Variants in ARHGAP23 observed in about 807,000 individuals in gnomAD.
ARHGAP23 encodes Rho GTPase activating protein 23.
A neutral mutation model predicts 136.3 loss-of-function variants in ARHGAP23; 34 were observed. The observed-to-expected ratio is 0.25, with a 90% CI of 0.19 to 0.33. The LOEUF (loss-of-function observed/expected upper bound fraction) is 0.33. Ranked by LOEUF, ARHGAP23 falls within the 10% of genes least tolerant of loss-of-function variation. The pLI is 1.00. For synonymous variants in ARHGAP23, 832 were observed against 920.5 expected (o/e 0.90, Z 1.74); for missense variants, 1,808 against 2,139.0 (o/e 0.85, Z 3.05).
rs537171313 is a variant in ARHGAP23 at position 38,469,255 on chromosome 17, C to T, written c.1760C>T (p.Pro587Leu). ...GTCCTGGGCACCAGCCCATCTTCCCCGACCTTCACTTTCACCCTCGGACGC... is the reference window on the plus strand; with the variant it reads ...GTCCTGGGCACCAGCCCATCTTCCCTGACCTTCACTTTCACCCTCGGACGC... ...APVLGTSPSS[P>L]TFTFTLGRHY... Residue 587 changes from proline (P) to leucine (L), a missense_variant, in exon 8 of 24, where the codon CCG becomes CTG. Physicochemically the swap from Pro to Leu is moderately conservative, Grantham distance 98. Around this residue, in one of 7 missense-constraint regions of ARHGAP23, gnomAD observed 859 missense variants for 936.4 expected, o/e 0.92. Coordinates refer to ENST00000622683, the MANE Select transcript of ARHGAP23 (RefSeq NM_001199417.2). 1.5e-4 allele frequency: 236 copies of T among 1,551,598 alleles called. 1 individual carries two copies. The highest frequency in any genetic ancestry group is 9.4e-4 in the Admixed American group (48 of 50,984).
chr17:38,453,926 C>CA (rs2039258661), intron 1 of ARHGAP23: 1 of 145,686 alleles, frequency 6.9e-6, no homozygotes, highest in Non-Finnish European at 1.5e-5. Flanking sequence ...CGGCCTGGGG[C>CA]GTACTGGGGC....
Position 38,500,622 on chromosome 17 carries a change from G to C in ARHGAP23, c.3441G>C (p.Lys1147Asn). The C allele has an allele frequency of 6.5e-7, 1 of 1,549,262 alleles. No homozygotes were observed. Among genetic ancestry groups the C allele is most frequent in the Non-Finnish European group, 8.7e-7 (1 of 1,146,676 alleles). Residue 1147 changes from lysine to asparagine, a missense_variant, in exon 23 of 24, where the codon AAG becomes AAC. By Grantham distance (94) the Lys-to-Asn change is moderately conservative (BLOSUM62 0). This residue lies in a region of ARHGAP23 where 104 missense variants were observed against 131.8 expected (regional missense o/e 0.79). Coordinates refer to ENST00000622683, the MANE Select transcript of ARHGAP23 (RefSeq NM_001199417.2). Reference sequence around the variant, plus strand: ...ATTCTACCACCTGTAGTTCAGCCAAGTCCAAGGTACGTATGAAGGCAATTC... The same window carrying C: ...ATTCTACCACCTGTAGTTCAGCCAACTCCAAGGTACGTATGAAGGCAATTC... ...GSDSTTCSSA[K>N]SKGSWAPKKE... is the part of the protein sequence containing the mutation.
chr17:38,462,843 T>C lies in ARHGAP23; in HGVS notation c.254-3T>C. On this transcript the variant is annotated splice_region_variant and splice_polypyrimidine_tract_variant and intron_variant, in intron 3 of 23. Coordinates refer to ENST00000622683, the MANE Select transcript of ARHGAP23 (RefSeq NM_001199417.2). ...CCCAGCTAACCTGGCTGATGCCCAC[T>C]AGGACCCTCCCCCCGGTACCGCCTG... 1 of 1,513,226 alleles carries C rather than the reference T, an allele frequency of 6.6e-7. No homozygotes were observed. Among genetic ancestry groups the C allele is most frequent in the Non-Finnish European group, 8.8e-7 (1 of 1,132,666 alleles). The allele number at this position is 1,513,226 out of a possible 1,614,324, so 93.7% of individuals were successfully genotyped here. A position where few individuals can be genotyped will look rare whatever the true frequency, so the allele number is the denominator to read the frequency against.
At chr17:38,504,331 C>T (rs760064961) in intron 23 of ARHGAP23, among the ~76,000 whole-genome samples, 5 of 152,200 alleles carry the variant, frequency 3.3e-5, no homozygotes, top group Non-Finnish European at 7.3e-5. Context: ...GCAGTGGTCT[C>T]AGTCTCATCT....
At chr17:38,504,995 T>TTTTTTTTTG in intron 23 of ARHGAP23, among the ~76,000 whole-genome samples, 1 of 86,590 alleles carries the variant, frequency 1.2e-5, no homozygotes, top group African/African-American at 5.3e-5. Flanking sequence ...TTTTTTTTTT[T>TTTTTTTTTG]TTTTTTTTTT....
intron 1 of ARHGAP23, among the ~76,000 whole-genome samples, chr17:38,455,177 A>G (rs1440962601): frequency 2.0e-5 from 3 of 152,168 alleles, no homozygotes; most frequent in African/African-American, 4.8e-5. Flanking sequence ...ACAGGGGAGG[A>G]GAGGAAACAT....
intron 20 of ARHGAP23, among the ~76,000 whole-genome samples, chr17:38,497,194 T>G (rs941909837): frequency 1.3e-5 from 2 of 152,200 alleles, no homozygotes; most frequent in African/African-American, 2.4e-5. Context: ...TATTAAACTG[T>G]GGGGGTCTTT....
intron 1 of ARHGAP23, among the ~76,000 whole-genome samples, chr17:38,420,952 G>A (rs1454758321): frequency 1.3e-5 from 2 of 152,106 alleles, no homozygotes; most frequent in Non-Finnish European, 2.9e-5. Flanking sequence ...CAGGGCTAGG[G>A]GCCACTACTG....
At chr17:38,457,019 C>G (rs7502297) in intron 1 of ARHGAP23, among the ~76,000 whole-genome samples, 39,919 of 152,098 alleles carry the variant, frequency 0.26, 5,604 homozygotes, top group East Asian at 0.42. Context: ...AAGCGATTCT[C>G]CTGCCTCAGC....
chr17:38,474,302 C>T (rs2039837327), intron 11 of ARHGAP23, among the ~76,000 whole-genome samples: 1 of 152,212 alleles, frequency 6.6e-6, no homozygotes, highest in Non-Finnish European at 1.5e-5. Context: ...TCCCATTGCC[C>T]TTGTCCAGGT....
rs1310897922 is a variant in ARHGAP23 at position 38,510,273 on chromosome 17, C to A, written c.3777C>A (p.Ser1259Arg). Residue 1259 changes from serine (S) to arginine (R), a missense_variant, in exon 24 of 24, where the codon AGC (serine) becomes AGA (arginine). By Grantham distance (110) the Ser-to-Arg change is moderately radical. Transcript: ENST00000622683. The surrounding 1 kb of genome is among the most constrained non-coding windows in gnomAD (Gnocchi z 4.6). ...GYSTLSTMDR[S>R]VCSGASGRRA... ...CCACCCTGTCCACCATGGACCGCAG[C>A]GTGTGCTCGGGCGCTAGCGGTCGGC... 1 of 1,299,418 alleles carries A rather than the reference C, an allele frequency of 7.7e-7. No individual in the cohort carries two copies. 80.5% of individuals were successfully genotyped at this position (1,299,418 alleles called of 1,614,324 possible). A position where few individuals can be genotyped will look rare whatever the true frequency, so the allele number is the denominator to read the frequency against.
At chr17:38,464,290 C>CCACACA (rs139399817) in intron 6 of ARHGAP23, among the ~76,000 whole-genome samples, 7 of 150,874 alleles carry the variant, frequency 4.6e-5, no homozygotes, top group African/African-American at 1.7e-4. Flanking sequence ...GCATACCCTT[C>CCACACA]CACACACACA....
chr17:38,482,172 C>T (rs1381558794), intron 15 of ARHGAP23, 29 bp downstream of exon 15: 2 of 1,544,280 alleles, frequency 1.3e-6, no homozygotes, highest in South Asian at 1.2e-5. Context: ...CCAGAGCAGG[C>T]CCAGCAGGGG....
chr17:38,481,710 G>A (rs1313164017), intron 14 of ARHGAP23, among the ~76,000 whole-genome samples: 1 of 152,196 alleles, frequency 6.6e-6, no homozygotes, highest in Non-Finnish European at 1.5e-5. Context: ...ATTGAGCTAT[G>A]ATCATACCAC....
chr17:38,458,234 CCCGAGTCGG>C lies in ARHGAP23; in HGVS notation c.200_208del (p.Glu67_Ala69del). ...TCTGCGCCACTTCATCGTGTACCCA[CCCGAGTCGG>C]CCGTGCACTGCAGCCTGAAGGTATG... On this transcript the variant is annotated inframe_deletion, in exon 2 of 24. Coordinates refer to ENST00000622683, the MANE Select transcript of ARHGAP23 (RefSeq NM_001199417.2). The C allele has an allele frequency of 6.5e-7, 1 of 1,533,202 alleles. No individual in the cohort carries two copies. 95.0% of individuals were successfully genotyped at this position (1,533,202 alleles called of 1,614,324 possible).
rs552987522 is a variant in ARHGAP23, at chr17:38,490,698, C to T, written c.3150+147C>T. ...TCCTATGACTGCTCCGTCCCCACCC[C>T]GCTCCTACATGCTGGTCAGTGCTTT... is the stretch of plus-strand genomic sequence containing the variant. On this transcript the variant is annotated intron_variant, in intron 19 of 23. Coordinates refer to ENST00000622683, the MANE Select transcript of ARHGAP23 (RefSeq NM_001199417.2). The T allele has an allele frequency of 3.0e-5, 21 of 694,738 alleles. 1 individual carries two copies. The highest frequency in any genetic ancestry group is 1.2e-4 in the South Asian group (7 of 58,888). The allele number at this position is 694,738 out of a possible 1,614,324, so 43.0% of individuals were successfully genotyped here. A position where few individuals can be genotyped will look rare whatever the true frequency, so the allele number is the denominator to read the frequency against.
At chr17:38,499,387 C>T (rs967448693) in intron 22 of ARHGAP23, among the ~76,000 whole-genome samples, 26 of 152,254 alleles carry the variant, frequency 1.7e-4, no homozygotes, top group African/African-American at 5.8e-4. Flanking sequence ...CTTAAGAAAC[C>T]GGGGCCCTAA....
intron 9 of ARHGAP23, 46 bp downstream of exon 9, chr17:38,469,681 G>A: frequency 6.5e-7 from 1 of 1,536,170 alleles, no homozygotes. Flanking sequence ...CAGCCACCGT[G>A]GCCAGCTGCT....
intron 1 of ARHGAP23, among the ~76,000 whole-genome samples, chr17:38,421,568 C>T (rs981315169): frequency 3.9e-5 from 6 of 152,206 alleles, no homozygotes; most frequent in African/African-American, 7.2e-5. Context: ...TTTTATAGTG[C>T]GTGAGCCGCC....
Sources: gnomAD v4.1 joint callset for allele counts (sites outside exome capture counted in the v4.1 genomes callset) on GRCh38, gnomAD v4.1.1 for gene constraint, gnomAD v4.1.1 regional missense constraint, Gnocchi (gnomAD v3.1) non-coding constraint, MANE v1.5 for transcripts, NCBI Gene and HGNC (gene_info 2026-07-23, HGNC 2026-07-21) for gene names.